The following MYOM2 variants were observed in gnomAD, a reference collection of about 807,000 sequenced individuals.
MYOM2 encodes the protein myomesin 2.
In MYOM2, 254 loss-of-function variants were observed where a neutral mutation model predicts 187.6. The ratio of observed to expected loss-of-function variants is 1.35; its 90% confidence interval spans 1.22 to 1.50. The LOEUF is 1.50. Among genes scored for constraint, MYOM2 ranks in the 40% most tolerant of loss-of-function variants. The probability of loss-of-function intolerance (pLI) is 0.00; values close to 1 mark genes in which losing one functional copy is unlikely to be tolerated. For synonymous variants in MYOM2, 981 were observed against 753.8 expected (o/e 1.30, Z -4.94); for missense variants, 2,796 against 1,924.0 (o/e 1.45, Z -8.48).
chr8:2,120,739 TAAATC>T (rs1797424924), intron 28 of MYOM2, among the ~76,000 whole-genome samples: 2 of 117,004 alleles, frequency 1.7e-5, no homozygotes, highest in East Asian at 2.5e-4. Flanking sequence ...TACTGTCTCT[TAAATC>T]AATACTGTTT....
At chr8:2,097,671 C>T (rs62478394) in intron 18 of MYOM2, among the ~76,000 whole-genome samples, 8,573 of 152,128 alleles carry the variant, frequency 0.056, 331 homozygotes, top group South Asian at 0.082. Flanking sequence ...CCCACCACCA[C>T]GCCCGGCTAA....
intron 1 of MYOM2, among the ~76,000 whole-genome samples, chr8:2,045,983 A>C (rs1449119177): frequency 1.3e-5 from 2 of 152,238 alleles, no homozygotes; most frequent in Non-Finnish European, 2.9e-5. Flanking sequence ...GACTCAAAGA[A>C]AGCGTGGAAC....
intron 6 of MYOM2, among the ~76,000 whole-genome samples, chr8:2,062,473 C>T (rs960842581): frequency 6.6e-6 from 1 of 152,054 alleles, no homozygotes; most frequent in East Asian, 1.9e-4. Flanking sequence ...CTGCTGGGCT[C>T]GACTGGGCAT....
intron 14 of MYOM2, among the ~76,000 whole-genome samples, chr8:2,086,911 A>G (rs1796111474): frequency 6.6e-6 from 1 of 151,982 alleles, no homozygotes; most frequent in African/African-American, 2.4e-5. Context: ...CAGAAGGGTT[A>G]GACTCGCCAG....
At chr8:2,049,917 C>T (rs181535344) in intron 1 of MYOM2, among the ~76,000 whole-genome samples, 68 of 152,304 alleles carry the variant, frequency 4.5e-4, no homozygotes, top group Non-Finnish European at 7.4e-5. Context: ...TCCACACTCT[C>T]GAATTTCCCC....
chr8:2,087,562 C>G (rs748285977), intron 14 of MYOM2, among the ~76,000 whole-genome samples: 1 of 152,210 alleles, frequency 6.6e-6, no homozygotes, highest in Non-Finnish European at 1.5e-5. Context: ...TCAGGCCCCT[C>G]ATTCCCCTCA....
intron 35 of MYOM2, 121 bp from the exon 36 acceptor site, chr8:2,143,278 GCT>G: frequency 9.2e-7 from 1 of 1,090,838 alleles, no homozygotes. Context: ...TTTGATGCTC[GCT>G]CTCTCCTGAG....
At chr8:2,078,702 T>C (rs1339758173) in intron 11 of MYOM2, 32 bp from the exon 12 acceptor site, 2 of 1,608,776 alleles carry the variant, frequency 1.2e-6, no homozygotes, top group Non-Finnish European at 1.7e-6. Flanking sequence ...ACATTTGCTA[T>C]TCTCTGTTGT....
intron 27 of MYOM2, 76 bp downstream of exon 27, chr8:2,116,351 G>T (rs1412722861): frequency 2.9e-6 from 4 of 1,383,790 alleles, no homozygotes; most frequent in Non-Finnish European, 4.0e-6. Context: ...GTCAGAAGCA[G>T]ATCTTGCATG....
At position 2,091,016 on chromosome 8, in the gene MYOM2, CTTTTTTTT is replaced by C. The variant is rs35873643; in HGVS notation, c.1828+838_1828+845del. ...GGGATTGCTAGGTTGAATGATAGTT[CTTTTTTTT>C]TTTTTTTTTTTTGGCTCTTTGAGGA... On this transcript the variant is annotated intron_variant, in intron 15 of 36. Transcript: ENST00000262113. 1.6e-4 allele frequency among the ~76,000 whole-genome samples: 14 copies of C among 86,512 alleles called. 1 individual carries two copies. The East Asian group carries it at 3.8e-3, about 23-fold the overall frequency. 56.8% of individuals were successfully genotyped at this position (86,512 alleles called of 152,430 possible). A position where few individuals can be genotyped will look rare whatever the true frequency, so the allele number is the denominator to read the frequency against.
chr8:2,060,957 G>T (rs1272118112), intron 6 of MYOM2, among the ~76,000 whole-genome samples: 2 of 152,040 alleles, frequency 1.3e-5, no homozygotes, highest in African/African-American at 2.4e-5. Flanking sequence ...ATTACTAGGG[G>T]GAGATGGGGG....
At chr8:2,052,684 G>A (rs554849006) in intron 3 of MYOM2, among the ~76,000 whole-genome samples, 5 of 152,302 alleles carry the variant, frequency 3.3e-5, no homozygotes, top group African/African-American at 1.2e-4. Context: ...GACAGAGCAG[G>A]ATAAGCACAC....
chr8:2,078,929 A>G lies in MYOM2; in HGVS notation c.1458A>G (p.Leu486=), dbSNP rs1341225443. The change falls in exon 12 of 37, where the codon TTA becomes TTG. Residue 486 remains leucine, a synonymous_variant. Transcript: ENST00000262113. ...TTGACCCCTTGGACCTCAGAAGGTT[A>G]CAAGGTAAGCTGCTCACGCCTAAGT... ...AALDPLDLRR[L]QAVHLEGEKE... is the part of the protein sequence containing the mutation. The G allele has an allele frequency of 3.1e-6, 5 of 1,613,710 alleles. No individual in the cohort carries two copies. Among genetic ancestry groups the G allele is most frequent in the Non-Finnish European group, 4.2e-6 (5 of 1,179,732 alleles).
intron 5 of MYOM2, among the ~76,000 whole-genome samples, chr8:2,058,343 C>T (rs972234406): frequency 2.0e-5 from 3 of 151,972 alleles, no homozygotes; most frequent in African/African-American, 4.8e-5. Context: ...AAAGTCACTA[C>T]CCTGAAATGA....
At chr8:2,085,492 C>CCTACTG (rs1819801012) in intron 14 of MYOM2, 102 bp downstream of exon 14, 1 of 1,349,350 alleles carries the variant, frequency 7.4e-7, no homozygotes, top group African/African-American at 1.6e-5. Context: ...CGCGTGGCCC[C>CCTACTG]TCACTGTTGT....
chr8:2,046,333 G>A (rs1297231307), intron 1 of MYOM2, among the ~76,000 whole-genome samples: 2 of 152,180 alleles, frequency 1.3e-5, no homozygotes, highest in Non-Finnish European at 2.9e-5. Flanking sequence ...GGAGAGGCTC[G>A]CGTTTCATCC....
chr8:2,125,807 A>T (rs950892692), intron 31 of MYOM2, among the ~76,000 whole-genome samples: 35 of 151,528 alleles, frequency 2.3e-4, no homozygotes, highest in African/African-American at 8.5e-4. Context: ...ATGGGGTTTC[A>T]CCATGCTGGC....
rs1563059532 is a variant in MYOM2, at chr8:2,106,252, A to G, written c.2745A>G (p.Glu915=). ...ACTCTTCTTATGCAGGCACCAAGGA[A>G]ATCAGTGCTGGTGTCGATGAACAAG... is the stretch of plus-strand genomic sequence containing the variant. ...VLVEARPGTK[E]ISAGVDEQGN... The change falls in exon 22 of 37, where the codon GAA becomes GAG. Residue 915 remains glutamate (E), a synonymous_variant. Transcript: ENST00000262113. 6.2e-7 allele frequency: 1 copy of G among 1,614,126 alleles called. No individual in the cohort carries two copies. The highest frequency in any genetic ancestry group is 1.3e-5 in the African/African-American group (1 of 75,046).
chr8:2,125,077 G>C (rs1206803897), intron 31 of MYOM2, among the ~76,000 whole-genome samples: 1 of 152,060 alleles, frequency 6.6e-6, no homozygotes, highest in African/African-American at 2.4e-5. Context: ...CTGTGCAGAA[G>C]CTTTTTAGTT....
Sources: gnomAD v4.1 joint callset for allele counts (sites outside exome capture counted in the v4.1 genomes callset) on GRCh38, gnomAD v4.1.1 for gene constraint, MANE v1.5 for transcripts, NCBI Gene and HGNC (gene_info 2026-07-23, HGNC 2026-07-21) for gene names.